PRTG: variants seen among roughly 807,000 people sequenced by gnomAD.
The protein encoded by PRTG is immunoglobulin superfamily, DCC subclass, member 5.
In PRTG, 67 loss-of-function variants were observed where a neutral mutation model predicts 122.5. The ratio of observed to expected loss-of-function variants is 0.55; its 90% CI spans 0.45 to 0.67. The LOEUF (loss-of-function observed/expected upper bound fraction) is 0.67, where lower values mean the gene tolerates loss of function less well. Among genes scored for constraint, PRTG ranks in the 30% least tolerant of loss-of-function variants. PRTG has a pLI of 0.00. For synonymous variants in PRTG, 554 were observed against 501.1 expected, an observed-to-expected ratio of 1.11 and a Z score of -1.41; for missense variants, 1,435 against 1,415.4, an observed-to-expected ratio of 1.01 and a Z score of -0.22.
intron 2 of PRTG, among the ~76,000 whole-genome samples, chr15:55,695,705 G>A (rs1464858204): frequency 2.6e-5 from 4 of 152,190 alleles, no homozygotes; most frequent in South Asian, 2.1e-4. Flanking sequence ...AGGGCTGGGC[G>A]CAGCGGCTCA....
At chr15:55,658,669 A>G (rs1567086755) in intron 11 of PRTG, among the ~76,000 whole-genome samples, 1 of 152,146 alleles carries the variant, frequency 6.6e-6, no homozygotes, top group African/African-American at 2.4e-5. Context: ...CTGGTAAAAG[A>G]GTATGCATAT....
chr15:55,713,917 T>C (rs2030497147), intron 2 of PRTG, among the ~76,000 whole-genome samples: 1 of 152,184 alleles, frequency 6.6e-6, no homozygotes, highest in African/African-American at 2.4e-5. Context: ...TTTAACTTAA[T>C]AAAATTTATT....
intron 2 of PRTG, among the ~76,000 whole-genome samples, chr15:55,689,852 C>G (rs1365693540): frequency 6.6e-6 from 1 of 151,180 alleles, no homozygotes; most frequent in Non-Finnish European, 1.5e-5. Context: ...GGTGTGAACC[C>G]AGGAGGTGGA....
At chr15:55,727,155 A>C (rs1212926096) in intron 2 of PRTG, among the ~76,000 whole-genome samples, 1 of 152,070 alleles carries the variant, frequency 6.6e-6, no homozygotes, top group East Asian at 1.9e-4. Flanking sequence ...GGAAATAATT[A>C]AGACTAGAGT....
At chr15:55,620,864 A>C (rs2059162512) in intron 18 of PRTG, 97 bp from the exon 19 acceptor site, 2 of 1,009,304 alleles carry the variant, frequency 2.0e-6, no homozygotes, top group South Asian at 1.5e-5. Context: ...TATATGCTTC[A>C]CATTTCCCTT....
At position 55,620,668 on chromosome 15, in the gene PRTG, C is replaced by G. The variant is rs746882311; in HGVS notation, c.3193G>C (p.Glu1065Gln). Reference protein sequence around the residue: ...FFQDSKKIQVEQPQRRFTPAV... With the variant: ...FFQDSKKIQVQQPQRRFTPAV... ...TTCTCATTTAGATAGGTTACCTGCT[C>G]AACTTGTATCTTCTTTGAGTCTTGG... Residue 1065 changes from glutamate (E) to glutamine (Q), a missense_variant, in exon 19 of 20, where the codon GAG becomes CAG. Glu to Gln is a conservative substitution (Grantham distance 29). Transcript: ENST00000389286. 2.2e-5 allele frequency: 35 copies of G among 1,587,992 alleles called. No homozygotes were observed. Among genetic ancestry groups the G allele is most frequent in the Non-Finnish European group, 1.4e-5 (16 of 1,173,574 alleles).
intron 2 of PRTG, chr15:55,738,714 G>C (rs924192550): frequency 2.6e-6 from 1 of 378,896 alleles, no homozygotes; most frequent in African/African-American, 2.1e-5. Context: ...CAATGATTAC[G>C]GGGGAAGGAG....
chr15:55,688,371 C>T (rs2059582031), intron 2 of PRTG, among the ~76,000 whole-genome samples: 1 of 151,374 alleles, frequency 6.6e-6, no homozygotes, highest in African/African-American at 2.4e-5. Flanking sequence ...AGTCTCTGTT[C>T]TTTTCTCTCT....
chr15:55,634,778 G>A (rs1041334795), intron 15 of PRTG, among the ~76,000 whole-genome samples: 5 of 151,856 alleles, frequency 3.3e-5, no homozygotes, highest in South Asian at 4.2e-4. Flanking sequence ...GGAGGAAGAG[G>A]TTACAGTGAG....
chr15:55,742,906 G>C lies in PRTG; in HGVS notation c.26C>G (p.Ala9Gly). Reference protein sequence around the residue: MAPPLRPLARLRPPGMLLR... With the variant: MAPPLRPLGRLRPPGMLLR... ...CAGCATCCCCGGCGGTCGCAGCCGG[G>C]CGAGGGGTCGCAGAGGAGGCGCCAT... is the stretch of plus-strand genomic sequence containing the variant. The change falls in exon 1 of 20, where the codon GCC becomes GGC. Residue 9 changes from alanine (A) to glycine (G), a missense_variant. Transcript: ENST00000389286. The C allele has an allele frequency of 3.3e-6, 5 of 1,528,536 alleles. No homozygotes were observed. Among genetic ancestry groups the C allele is most frequent in the Non-Finnish European group, 2.6e-6 (3 of 1,137,196 alleles). The allele number at this position is 1,528,536 out of a possible 1,614,324, so 94.7% of individuals were successfully genotyped here. A position where few individuals can be genotyped will look rare whatever the true frequency, so the allele number is the denominator to read the frequency against.
At chr15:55,644,032 T>C (rs543460515) in intron 11 of PRTG, among the ~76,000 whole-genome samples, 2 of 151,924 alleles carry the variant, frequency 1.3e-5, no homozygotes, top group African/African-American at 2.4e-5. Context: ...ACCTGGCTAA[T>C]TTCCCCACGT....
chr15:55,719,035 G>A (rs1440140844), intron 2 of PRTG, among the ~76,000 whole-genome samples: 3 of 152,018 alleles, frequency 2.0e-5, no homozygotes, highest in African/African-American at 2.4e-5. Flanking sequence ...ATGAGCCACC[G>A]TGCCCAGCCT....
chr15:55,642,562 C>T (rs2141740077), intron 11 of PRTG, among the ~76,000 whole-genome samples: 1 of 143,464 alleles, frequency 7.0e-6, no homozygotes, highest in East Asian at 2.1e-4. Flanking sequence ...TGTACCACTG[C>T]ACTCCAGCCT....
Position 55,673,364 on chromosome 15 carries a change from A to C in PRTG, c.1852+7T>G. On this transcript the variant is annotated splice_region_variant and intron_variant, in intron 10 of 19. Coordinates refer to ENST00000389286, the MANE Select transcript of PRTG (RefSeq NM_173814.6). ...CTGTATTTTCTTAACAGTCTTCAGA[A>C]ATTCACCTTTCACGCTTGTAGCTTT... 1.3e-6 allele frequency: 2 copies of C among 1,597,990 alleles called. No individual in the cohort carries two copies. The highest frequency in any genetic ancestry group is 1.7e-6 in the Non-Finnish European group (2 of 1,167,000).
chr15:55,626,818 G>A (rs2059197583), intron 17 of PRTG, among the ~76,000 whole-genome samples, 190 bp downstream of exon 17: 1 of 152,076 alleles, frequency 6.6e-6, no homozygotes, highest in South Asian at 2.1e-4. Context: ...TTTTCAAACA[G>A]CAAGAAAATA....
intron 11 of PRTG, 33 bp from the exon 12 acceptor site, chr15:55,641,241 C>T: frequency 6.7e-7 from 1 of 1,495,002 alleles, no homozygotes; most frequent in Non-Finnish European, 9.3e-7. Context: ...TAATTAGGAC[C>T]AGGTCTCTAG....
chr15:55,628,724 G>A (rs192157883), intron 16 of PRTG, 98 bp downstream of exon 16: 71 of 920,486 alleles, frequency 7.7e-5, no homozygotes, highest in African/African-American at 5.0e-4. Context: ...ACTGAGAGCC[G>A]GTTTAGGGAT....
chr15:55,701,265 G>A (rs1163757675), intron 2 of PRTG, among the ~76,000 whole-genome samples: 5 of 152,128 alleles, frequency 3.3e-5, no homozygotes, highest in Non-Finnish European at 7.4e-5. Flanking sequence ...GGCCGGGCGC[G>A]GTGGCTCACG....
chr15:55,641,445 T>C lies in PRTG; in HGVS notation c.2042-237A>G, dbSNP rs1015385317. 1.6e-4 allele frequency among the ~76,000 whole-genome samples: 24 copies of C among 152,348 alleles called. No individual in the cohort carries two copies. In the Middle Eastern group the frequency reaches 0.01, roughly 65 times the overall value. Reference sequence around the variant, plus strand: ...TTAATCTAATTTCAAACAATAATACTACCACAACCACTTCTTCTCCTTTCT... The same window carrying C: ...TTAATCTAATTTCAAACAATAATACCACCACAACCACTTCTTCTCCTTTCT... On this transcript the variant is annotated intron_variant, in intron 11 of 19. Coordinates refer to ENST00000389286, the MANE Select transcript of PRTG (RefSeq NM_173814.6).
Sources: allele counts gnomAD v4.1 joint callset (sites outside exome capture counted in the v4.1 genomes callset), GRCh38; gene constraint gnomAD v4.1.1; transcripts MANE v1.5; gene names NCBI Gene and HGNC (gene_info 2026-07-23, HGNC 2026-07-21).